Variants in SPAG17 observed in about 807,000 individuals in gnomAD.
SPAG17 encodes sperm-associated antigen 17.
A neutral mutation model predicts 273.6 loss-of-function variants in SPAG17; 169 were observed. That is an observed-to-expected ratio of 0.62 (90% CI 0.55 to 0.70). The LOEUF is 0.70. Among genes scored for constraint, SPAG17 ranks in the 30% least tolerant of loss-of-function variants. SPAG17 has a pLI of 0.00. For missense variants in SPAG17, 2,557 were observed against 2,627.8 expected (o/e 0.97, Z 0.59); for synonymous variants, 825 against 873.2 (o/e 0.94, Z 0.97).
At chr1:117,972,960 G>T (rs140517299) in intron 44 of SPAG17, among the ~76,000 whole-genome samples, 18 of 152,152 alleles carry the variant, frequency 1.2e-4, no homozygotes, top group African/African-American at 4.3e-4. Flanking sequence ...AAGCAAATGG[G>T]GCCTTATCCT....
chr1:118,085,918 T>C lies in SPAG17; in HGVS notation c.1762+4A>G, dbSNP rs1654955917. On this transcript the variant is annotated splice_donor_region_variant and intron_variant, in intron 13 of 48. Transcript: ENST00000336338. ...TTTAAGCTAAGACAAAGCAATGGACTCACCACTCGTACAAAAGTGCATAAG... is the reference window on the plus strand; with the variant it reads ...TTTAAGCTAAGACAAAGCAATGGACCCACCACTCGTACAAAAGTGCATAAG... 3.1e-6 allele frequency: 5 copies of C among 1,597,548 alleles called. No individual in the cohort carries two copies. The South Asian group carries it at 5.7e-5, about 18-fold the overall frequency.
At chr1:118,019,896 T>A (rs1571257048) in intron 28 of SPAG17, among the ~76,000 whole-genome samples, 1 of 152,152 alleles carries the variant, frequency 6.6e-6, no homozygotes, top group East Asian at 1.9e-4. Flanking sequence ...CATAAAGACA[T>A]TTTTAGAAAT....
intron 3 of SPAG17, 24 bp downstream of exon 3, chr1:118,150,519 T>C: frequency 1.5e-6 from 2 of 1,311,052 alleles, no homozygotes; most frequent in Non-Finnish European, 2.1e-6. Flanking sequence ...CACAAAAATA[T>C]CTTCTATAAA....
rs568691735 is a variant in SPAG17, at chr1:118,086,883, C to G, written c.1485G>C (p.Glu495Asp). The change falls in exon 11 of 49, where the codon GAG (glutamate) becomes GAC (aspartate). Residue 495 changes from glutamate to aspartate, a missense_variant. Glu to Asp is a conservative substitution (Grantham distance 45). Coordinates refer to ENST00000336338, the MANE Select transcript of SPAG17 (RefSeq NM_206996.4). Reference protein sequence around the residue: ...VSLLPSLCLSEREKKNLHDIF... With the variant: ...VSLLPSLCLSDREKKNLHDIF... The stretch of plus-strand genomic sequence containing the variant: ...CAGGCTATCTGACCTTTTTCTCCCT[C>G]TCTGAGAGACAGAGTGAGGGCAGAA... The G allele has an allele frequency of 6.0e-5, 97 of 1,614,154 alleles. 2 individuals carry two copies. The South Asian group carries it at 1.0e-3, about 17-fold the overall frequency.
At chr1:118,019,870 T>C (rs1015899952) in intron 28 of SPAG17, among the ~76,000 whole-genome samples, 1 of 152,210 alleles carries the variant, frequency 6.6e-6, no homozygotes, top group Non-Finnish European at 1.5e-5. Flanking sequence ...AAATTATCTT[T>C]CAAGAATGAG....
At chr1:118,052,770 C>T (rs1651207570) in intron 20 of SPAG17, among the ~76,000 whole-genome samples, 1 of 151,842 alleles carries the variant, frequency 6.6e-6, no homozygotes, top group Non-Finnish European at 1.5e-5. Flanking sequence ...AGTCTGTAGA[C>T]CAATTTCATT....
At chr1:118,130,205 T>C (rs553853676) in intron 3 of SPAG17, among the ~76,000 whole-genome samples, 2 of 152,222 alleles carry the variant, frequency 1.3e-5, no homozygotes, top group African/African-American at 2.4e-5. Flanking sequence ...AATGAGCAGA[T>C]GGATGCTGCA....
Position 118,185,150 on chromosome 1 carries a change from G to T in SPAG17, c.8C>A (p.Pro3His). 3 of 1,613,760 alleles carry T rather than the reference G, an allele frequency of 1.9e-6. No homozygotes were observed. The highest frequency in any genetic ancestry group is 2.5e-6 in the Non-Finnish European group (3 of 1,179,708). Reference sequence around the variant, plus strand: ...CACAGTTCCTCCTTTCTCCTTCTTGGGTGCCATGCAAAGGACGGGAGAAGC... The same window carrying T: ...CACAGTTCCTCCTTTCTCCTTCTTGTGTGCCATGCAAAGGACGGGAGAAGC... MAPKKEKGGTVNT... is the reference protein window; with the variant it reads MAHKKEKGGTVNT... Residue 3 changes from proline (P) to histidine (H), a missense_variant, in exon 1 of 49, where the codon CCC (proline) becomes CAC (histidine). Transcript: ENST00000336338.
chr1:118,002,765 G>A (rs150266181), intron 32 of SPAG17, among the ~76,000 whole-genome samples: 96 of 152,132 alleles, frequency 6.3e-4, no homozygotes, highest in African/African-American at 1.7e-3. Flanking sequence ...CTGATGGGTC[G>A]TGACTCTTTA....
intron 32 of SPAG17, among the ~76,000 whole-genome samples, chr1:118,001,032 G>A (rs1250961898): frequency 6.6e-6 from 1 of 152,130 alleles, no homozygotes; most frequent in East Asian, 1.9e-4. Flanking sequence ...TTAGCATGAA[G>A]TGCTGTTGAA....
At chr1:118,107,720 T>G (rs574603734) in intron 4 of SPAG17, among the ~76,000 whole-genome samples, 279 of 152,262 alleles carry the variant, frequency 1.8e-3, no homozygotes, top group African/African-American at 6.5e-3. Flanking sequence ...TAACTTTTTC[T>G]TATAAAAATT....
At chr1:118,062,423 G>C (rs766081727) in intron 18 of SPAG17, among the ~76,000 whole-genome samples, 2 of 142,744 alleles carry the variant, frequency 1.4e-5, no homozygotes, top group African/African-American at 2.6e-5. Context: ...ATCAATGTCA[G>C]ATAAAATATA....
chr1:117,964,166 T>G (rs543866942), intron 47 of SPAG17: 5 of 367,760 alleles, frequency 1.4e-5, no homozygotes, highest in African/African-American at 4.1e-5. Flanking sequence ...CTCTCCTAAC[T>G]GTGACTGGCT....
intron 15 of SPAG17, among the ~76,000 whole-genome samples, chr1:118,079,593 CTA>C (rs1654373101): frequency 6.6e-6 from 1 of 151,850 alleles, no homozygotes; most frequent in African/African-American, 2.4e-5. Flanking sequence ...TAATTTTCAT[CTA>C]TGTTTTCTAT....
intron 44 of SPAG17, among the ~76,000 whole-genome samples, chr1:117,972,481 T>A (rs1654672406): frequency 6.6e-6 from 1 of 152,192 alleles, no homozygotes. Flanking sequence ...TATAACAAGT[T>A]CTTAGTGTTG....
At chr1:118,160,832 G>A (rs1283723135) in intron 1 of SPAG17, among the ~76,000 whole-genome samples, 3 of 152,228 alleles carry the variant, frequency 2.0e-5, no homozygotes, top group Non-Finnish European at 2.9e-5. Flanking sequence ...ATGATAGGGT[G>A]AGAAAGAAGA....
At chr1:118,059,701 C>A (rs1012842299) in intron 18 of SPAG17, among the ~76,000 whole-genome samples, 11 of 151,888 alleles carry the variant, frequency 7.2e-5, no homozygotes, top group African/African-American at 2.7e-4. Flanking sequence ...CTTTCTTTAC[C>A]TTTTGTAACA....
chr1:118,028,508 G>C, intron 25 of SPAG17, 114 bp from the exon 26 acceptor site: 1 of 1,313,974 alleles, frequency 7.6e-7, no homozygotes, highest in Non-Finnish European at 1.0e-6. Context: ...CACAGAGCTA[G>C]GTGGCCCCTG....
chr1:118,105,299 G>A (rs567832359), intron 4 of SPAG17, among the ~76,000 whole-genome samples: 102 of 152,306 alleles, frequency 6.7e-4, no homozygotes, highest in African/African-American at 2.2e-3. Flanking sequence ...CAAGCTTACC[G>A]AGGTAATATG....
Sources: allele counts gnomAD v4.1 joint callset (sites outside exome capture counted in the v4.1 genomes callset), GRCh38; gene constraint gnomAD v4.1.1; transcripts MANE v1.5; gene names NCBI Gene and HGNC (gene_info 2026-07-23, HGNC 2026-07-21).